The following PCDHGA4 variants were observed in gnomAD, a reference collection of about 807,000 sequenced individuals.
PCDHGA4 encodes protocadherin gamma subfamily A, 4, also known as protocadherin gamma-A4.
In PCDHGA4, 38 loss-of-function variants were observed where a neutral mutation model predicts 54.6. The observed-to-expected ratio is 0.70, with a 90% confidence interval of 0.54 to 0.91. The LOEUF (loss-of-function observed/expected upper bound fraction) is 0.91. Ranked by LOEUF, PCDHGA4 falls within the 40% of genes least tolerant of loss-of-function variation. The pLI is 0.00. For synonymous variants in PCDHGA4, 511 were observed against 512.9 expected (o/e 1.00, Z 0.05); for missense variants, 1,298 against 1,220.9 (o/e 1.06, Z -0.94).
chr5:141,360,930 A>T, intron 1 of PCDHGA4: 1 of 1,614,028 alleles, frequency 6.2e-7, no homozygotes, highest in East Asian at 2.2e-5. Flanking sequence ...TTCAAGTGAC[A>T]GCCACCGACC....
At chr5:141,414,564 C>G in intron 1 of PCDHGA4, 1 of 1,613,948 alleles carries the variant, frequency 6.2e-7, no homozygotes, top group East Asian at 2.2e-5. Context: ...CCTACTTTAC[C>G]TATATCCCAG....
intron 1 of PCDHGA4, chr5:141,478,171 G>A (rs141465380): frequency 7.3e-5 from 118 of 1,613,942 alleles, no homozygotes; most frequent in African/African-American, 1.5e-4. Flanking sequence ...CCCCCCGGGA[G>A]CAGAAAAAAA....
In PCDHGA4 at chr5:141,430,991, A is replaced by G. The variant is rs2097333608; in HGVS notation, c.2515-63816A>G. 2.5e-6 allele frequency: 4 copies of G among 1,613,862 alleles called. No individual in the cohort carries two copies. In the East Asian group the frequency reaches 8.9e-5, roughly 36 times the overall value. ...AGGTAGGACGCAGCTTTTCGCCCTGAATCCGCGCAGCGGCAGCTTGGTCAC... is the reference window on the plus strand; with the variant it reads ...AGGTAGGACGCAGCTTTTCGCCCTGGATCCGCGCAGCGGCAGCTTGGTCAC... On this transcript the variant is annotated intron_variant, in intron 1 of 3. Coordinates refer to ENST00000571252, the MANE Select transcript of PCDHGA4 (RefSeq NM_018917.4).
chr5:141,410,415 T>C (rs1589759810), intron 1 of PCDHGA4: 1 of 1,614,066 alleles, frequency 6.2e-7, no homozygotes. Flanking sequence ...TCTGGACCTG[T>C]AGTTCCCCCC....
At chr5:141,365,090 A>T (rs774588043) in intron 1 of PCDHGA4, 1 of 1,613,830 alleles carries the variant, frequency 6.2e-7, no homozygotes, top group Non-Finnish European at 8.5e-7. Context: ...TGTTCCAGAG[A>T]ACATACCTGT....
chr5:141,430,750 G>A (rs746434313), intron 1 of PCDHGA4: 2 of 1,500,586 alleles, frequency 1.3e-6, no homozygotes, highest in Non-Finnish European at 1.8e-6. Context: ...AATTCTGGAG[G>A]AAGATAAGAA....
At chr5:141,394,536 G>T in intron 1 of PCDHGA4, 2 of 1,614,188 alleles carry the variant, frequency 1.2e-6, no homozygotes, top group Non-Finnish European at 1.7e-6. Flanking sequence ...TTCCACTGGC[G>T]TGGAGCTGGC....
In PCDHGA4 at chr5:141,384,701, A is replaced by G. The variant is rs775540555; in HGVS notation, c.2514+27080A>G. On this transcript the variant is annotated intron_variant, in intron 1 of 3. Transcript: ENST00000571252. ...GCGGTGGACAAAGATTCAGGCCAGA[A>G]CGCCTGGCTGTCATACCTCCTGCTT... is the stretch of plus-strand genomic sequence containing the variant. The G allele has an allele frequency of 8.7e-6, 14 of 1,614,138 alleles. No homozygotes were observed. In the South Asian group the frequency reaches 1.2e-4, roughly 14 times the overall value.
At chr5:141,362,212 G>C in intron 1 of PCDHGA4, 1 of 1,614,048 alleles carries the variant, frequency 6.2e-7, no homozygotes, top group Non-Finnish European at 8.5e-7. Flanking sequence ...GTTTTACCTG[G>C]TTGTGGCCTT....
chr5:141,371,371 A>C (rs745398017), intron 1 of PCDHGA4: 1 of 1,614,032 alleles, frequency 6.2e-7, no homozygotes, highest in Non-Finnish European at 8.5e-7. Context: ...GATGGTGGAC[A>C]TCACACTGCA....
At chr5:141,415,551 C>T (rs745641887) in intron 1 of PCDHGA4, 1 of 1,614,132 alleles carries the variant, frequency 6.2e-7, no homozygotes, top group South Asian at 1.1e-5. Context: ...GTGAGAAAAA[C>T]GATCCTTTGT....
intron 1 of PCDHGA4, chr5:141,390,614 G>C (rs184586504): frequency 4.8e-5 from 14 of 289,200 alleles, no homozygotes; most frequent in Admixed American, 2.4e-4. Context: ...TTTCCTTCTT[G>C]TTGACTAATA....
At chr5:141,455,282 A>C (rs1307886349) in intron 1 of PCDHGA4, among the ~76,000 whole-genome samples, 1 of 152,056 alleles carries the variant, frequency 6.6e-6, no homozygotes, top group Non-Finnish European at 1.5e-5. Flanking sequence ...TATTAACATC[A>C]CTTTACATAG....
rs749121255 is a variant in PCDHGA4 at position 141,415,427 on chromosome 5, G to A, written c.2514+57806G>A. 3.1e-6 allele frequency: 5 copies of A among 1,614,050 alleles called. No homozygotes were observed. Among genetic ancestry groups the A allele is most frequent in the African/African-American group, 1.3e-5 (1 of 74,926 alleles). ...CACTTTGTGGGCGTGGACGGGGTTC[G>A]GGCTTTCCTGCAGACCTATTCCCAC... is the stretch of plus-strand genomic sequence containing the variant. On this transcript the variant is annotated intron_variant, in intron 1 of 3. Transcript: ENST00000571252.
rs137901127 is a variant in PCDHGA4 at position 141,436,420 on chromosome 5, A to G, written c.2515-58387A>G. 1.4e-3 allele frequency among the ~76,000 whole-genome samples: 213 copies of G among 152,326 alleles called. 1 individual carries two copies. The highest frequency in any genetic ancestry group is 4.8e-3 in the African/African-American group (199 of 41,594). ...AGTTGTTGAATGAATGGATAAACAA[A>G]TAATGTACTCTGGGGATTACCTGAT... On this transcript the variant is annotated intron_variant, in intron 1 of 3. Coordinates refer to ENST00000571252, the MANE Select transcript of PCDHGA4 (RefSeq NM_018917.4).
chr5:141,491,598 C>T lies in PCDHGA4; in HGVS notation c.2515-3209C>T, dbSNP rs1410472886. On this transcript the variant is annotated intron_variant, in intron 1 of 3. Transcript: ENST00000571252. This position sits in a 1 kb window ranked among gnomAD's most constrained non-coding sequence, Gnocchi z 6.9. ...TTTCACCGGCCTCGGACGGCAGTGA[C>T]TTCACTTTTCTAAGACCCCTCAGCG... 1.4e-5 allele frequency: 22 copies of T among 1,613,872 alleles called. No homozygotes were observed. The highest frequency in any genetic ancestry group is 1.8e-5 in the Non-Finnish European group (21 of 1,180,048).
chr5:141,427,899 G>A, intron 1 of PCDHGA4: 1 of 1,571,372 alleles, frequency 6.4e-7, no homozygotes, highest in Non-Finnish European at 8.7e-7. Flanking sequence ...GGGCTCGCCC[G>A]CGCTCAGCGC....
chr5:141,488,428 C>A (rs1234461104), intron 1 of PCDHGA4, among the ~76,000 whole-genome samples: 1 of 152,186 alleles, frequency 6.6e-6, no homozygotes, highest in Non-Finnish European at 1.5e-5. Context: ...CATGCTTGGC[C>A]TCTGACCACC....
rs368800698 is a variant in PCDHGA4, at chr5:141,405,118, G to A, written c.2514+47497G>A. The A allele has an allele frequency of 1.1e-5, 18 of 1,613,946 alleles. No homozygotes were observed. The East Asian group carries it at 1.8e-4, about 16-fold the overall frequency. ...TCAGGCTGAGGCACTGGCACTCCTCGCATCTGCTGCGGGCTACCAGTGATG... is the reference window on the plus strand; with the variant it reads ...TCAGGCTGAGGCACTGGCACTCCTCACATCTGCTGCGGGCTACCAGTGATG... On this transcript the variant is annotated intron_variant, in intron 1 of 3. Transcript: ENST00000571252.
Sources: allele counts gnomAD v4.1 joint callset (sites outside exome capture counted in the v4.1 genomes callset), GRCh38; gene constraint gnomAD v4.1.1; non-coding constraint Gnocchi (gnomAD v3.1); transcripts MANE v1.5; gene names NCBI Gene and HGNC (gene_info 2026-07-23, HGNC 2026-07-21).